PHTF1: variants seen among roughly 807,000 people sequenced by gnomAD.
PHTF1 encodes putative homeodomain transcription factor 1, also known as protein PHTF1.
Under a neutral mutation model 102.4 loss-of-function variants are expected in PHTF1, and 88 were observed. The ratio of observed to expected loss-of-function variants is 0.86; its 90% CI spans 0.72 to 1.03. The LOEUF (loss-of-function observed/expected upper bound fraction) is 1.03. Among genes scored for constraint, PHTF1 ranks in the 50% least tolerant of loss-of-function variants. PHTF1 has a pLI of 0.00. For missense variants in PHTF1, 814 were observed against 909.5 expected (o/e 0.89, Z 1.35); for synonymous variants, 289 against 305.2 (o/e 0.95, Z 0.55).
chr1:113,708,234 G>A (rs1238788109), intron 11 of PHTF1, among the ~76,000 whole-genome samples: 2 of 152,194 alleles, frequency 1.3e-5, no homozygotes, highest in East Asian at 1.9e-4. Flanking sequence ...ATCCAGTTGA[G>A]ATAAAATGAT....
intron 16 of PHTF1, 55 bp from the exon 17 acceptor site, chr1:113,699,854 G>A: frequency 1.3e-6 from 1 of 744,894 alleles, no homozygotes; most frequent in Non-Finnish European, 2.2e-6. Flanking sequence ...TATATATACT[G>A]CATAAAATCT....
At chr1:113,698,618 TATACACAC>T (rs1280209864) in intron 17 of PHTF1, among the ~76,000 whole-genome samples, 499 of 115,822 alleles carry the variant, frequency 4.3e-3, no homozygotes, top group South Asian at 7.9e-3. Context: ...TATATATATA[TATACACAC>T]ACACACACAC....
Position 113,712,070 on chromosome 1 carries a change from G to C in PHTF1, c.827C>G (p.Ser276Ter). 6.2e-7 allele frequency: 1 copy of C among 1,613,886 alleles called. No individual in the cohort carries two copies. Among genetic ancestry groups the C allele is most frequent in the Non-Finnish European group, 8.5e-7 (1 of 1,179,924 alleles). ...CCGTGCTTCACCATCTTCTTCACTTGACAGGTCATCAGACACCCCATTACC... is the reference window on the plus strand; with the variant it reads ...CCGTGCTTCACCATCTTCTTCACTTCACAGGTCATCAGACACCCCATTACC... ...RLGNGVSDDLSSEEDGEARTQ... is the reference protein window; with the variant it reads ...RLGNGVSDDL The change falls in exon 9 of 19, where the codon TCA (serine) becomes TGA (stop). Residue 276 changes from serine to a stop codon, truncating the protein, a stop_gained. Coordinates refer to ENST00000369604, the MANE Select transcript of PHTF1 (RefSeq NM_001323043.2). LOFTEE classifies it high-confidence loss of function.
intron 3 of PHTF1, among the ~76,000 whole-genome samples, chr1:113,748,193 G>T (rs1657511749): frequency 6.6e-6 from 1 of 152,028 alleles, no homozygotes; most frequent in African/African-American, 2.4e-5. Context: ...TGCCCAGGCT[G>T]GTCTCAAACT....
intron 6 of PHTF1, chr1:113,725,504 G>A (rs1653688147): frequency 2.0e-5 from 3 of 152,210 alleles, no homozygotes; most frequent in South Asian, 4.1e-4. Flanking sequence ...TGCTTACGCA[G>A]GCAAAAATCT....
chr1:113,734,527 G>A (rs918818211), intron 5 of PHTF1, among the ~76,000 whole-genome samples: 10 of 152,220 alleles, frequency 6.6e-5, no homozygotes, highest in African/African-American at 4.8e-5. Flanking sequence ...AGTGAAACTC[G>A]CAAGTGATGA....
chr1:113,748,035 T>A (rs1426684169), intron 3 of PHTF1, among the ~76,000 whole-genome samples: 1 of 152,198 alleles, frequency 6.6e-6, no homozygotes, highest in African/African-American at 2.4e-5. Context: ...TAGAGTGCAG[T>A]GTTGTATTCA....
At chr1:113,700,743 G>T (rs372175540) in intron 16 of PHTF1, 51 bp downstream of exon 16, 1 of 1,538,806 alleles carries the variant, frequency 6.5e-7, no homozygotes, top group Non-Finnish European at 8.9e-7. Context: ...ACCTTACAGC[G>T]TATTACGCTA....
intron 8 of PHTF1, 107 bp downstream of exon 8, chr1:113,713,172 A>C: frequency 1.0e-6 from 1 of 975,208 alleles, no homozygotes; most frequent in Non-Finnish European, 1.6e-6. Flanking sequence ...ACTTGTTAGG[A>C]CAAATTTATA....
intron 8 of PHTF1, among the ~76,000 whole-genome samples, chr1:113,712,784 AT>A (rs35092721): frequency 0.029 from 3,844 of 131,382 alleles, 29 homozygotes; most frequent in Middle Eastern, 0.059. Flanking sequence ...AACTCACAAA[AT>A]TTTTTTTTTT....
intron 14 of PHTF1, 96 bp downstream of exon 14, chr1:113,704,570 A>C: frequency 1.2e-6 from 1 of 808,190 alleles, no homozygotes. Flanking sequence ...AATCTGCCTG[A>C]CACCCAGAAC....
intron 15 of PHTF1, 128 bp downstream of exon 15, chr1:113,703,953 T>C: frequency 1.9e-6 from 1 of 520,102 alleles, no homozygotes; most frequent in African/African-American, 1.9e-5. Flanking sequence ...TTACCAAACA[T>C]CCAAAATAGT....
intron 5 of PHTF1, among the ~76,000 whole-genome samples, chr1:113,732,424 A>T (rs1654804070): frequency 6.7e-6 from 1 of 150,108 alleles, no homozygotes; most frequent in Non-Finnish European, 1.5e-5. Flanking sequence ...TGAACCCAGG[A>T]GGCAGAGGTT....
rs1648943315 is a variant in PHTF1, at chr1:113,697,693, C to T, written c.*12G>A. ...GATACCAGCCAGGGGAGAGTCCAGG[C>T]ATTTACTCAGCTTATGATTTAATTT... On this transcript the variant is annotated 3_prime_UTR_variant, in exon 19 of 19. Transcript: ENST00000369604. The T allele has an allele frequency of 6.7e-7, 1 of 1,501,114 alleles. No homozygotes were observed. The highest frequency in any genetic ancestry group is 2.3e-5 in the African/African-American group (1 of 44,208). 93.0% of individuals were successfully genotyped at this position (1,501,114 alleles called of 1,614,324 possible).
At chr1:113,706,216 A>G in intron 12 of PHTF1, 54 bp from the exon 13 acceptor site, 1 of 1,441,266 alleles carries the variant, frequency 6.9e-7, no homozygotes, top group East Asian at 2.3e-5. Context: ...ATGGAGTTAC[A>G]AAGCAGTATT....
At chr1:113,705,632 C>T (rs1343183300) in intron 13 of PHTF1, 2 of 348,336 alleles carry the variant, frequency 5.7e-6, no homozygotes, top group Non-Finnish European at 1.1e-5. Context: ...GGTGCAGATG[C>T]TAAGCAGTCG....
chr1:113,753,096 T>G (rs1029040490), intron 3 of PHTF1, among the ~76,000 whole-genome samples: 4 of 152,244 alleles, frequency 2.6e-5, no homozygotes, highest in African/African-American at 9.6e-5. Context: ...TGTTTTCAAA[T>G]TAATGCATTC....
chr1:113,719,228 A>G (rs1652542077), intron 7 of PHTF1, among the ~76,000 whole-genome samples: 1 of 151,866 alleles, frequency 6.6e-6, no homozygotes, highest in Non-Finnish European at 1.5e-5. Flanking sequence ...GTCTTAAACT[A>G]CTGACCTCAG....
rs144369484 is a variant in PHTF1, at chr1:113,749,158, T to C, written c.102+8541A>G. Among the ~76,000 whole-genome samples the C allele has an allele frequency of 7.6e-4, 116 of 152,370 alleles. 1 individual carries two copies. Among genetic ancestry groups the C allele is most frequent in the Middle Eastern group, 6.8e-3 (2 of 294 alleles). On this transcript the variant is annotated intron_variant, in intron 3 of 18. Transcript: ENST00000369604. ...AGTCTTTTTATAGTATCCAGTTCTT[T>C]AAAGGTAGTAATTATATCTTTAAAA... is the stretch of plus-strand genomic sequence containing the variant.
Sources: allele counts gnomAD v4.1 joint callset (sites outside exome capture counted in the v4.1 genomes callset), GRCh38; gene constraint gnomAD v4.1.1; transcripts MANE v1.5; gene names NCBI Gene and HGNC (gene_info 2026-07-23, HGNC 2026-07-21).